Variants in CDK7 observed in about 807,000 individuals in gnomAD.
The protein encoded by CDK7 is cyclin-dependent kinase 7.
In CDK7, 25 loss-of-function variants were observed where a neutral mutation model predicts 49.1. That is an observed-to-expected ratio of 0.51 (90% confidence interval 0.37 to 0.71). The LOEUF is 0.71. CDK7 is among the 30% of genes least tolerant of loss of function. The pLI is 0.00. For missense variants in CDK7, 316 were observed against 411.7 expected (o/e 0.77, Z 2.01); for synonymous variants, 107 against 140.0 (o/e 0.76, Z 1.67).
In CDK7 at chr5:69,254,672, G is replaced by A; in HGVS notation, c.228+3G>A. On this transcript the variant is annotated splice_donor_region_variant and intron_variant, in intron 4 of 11. Coordinates refer to ENST00000256443, the MANE Select transcript of CDK7 (RefSeq NM_001799.4). ...TAAGTCATCCAAATATAATTGGTGTGAGTATGATCAAAACTGTTACTGGGA... is the reference window on the plus strand; with the variant it reads ...TAAGTCATCCAAATATAATTGGTGTAAGTATGATCAAAACTGTTACTGGGA... 1 of 1,467,132 alleles carries A rather than the reference G, an allele frequency of 6.8e-7. No homozygotes were observed. The highest frequency in any genetic ancestry group is 9.6e-7 in the Non-Finnish European group (1 of 1,046,772). 90.9% of individuals were successfully genotyped at this position (1,467,132 alleles called of 1,614,324 possible). A position where few individuals can be genotyped will look rare whatever the true frequency, so the allele number is the denominator to read the frequency against.
At chr5:69,237,592 G>C (rs1467672032) in intron 2 of CDK7, among the ~76,000 whole-genome samples, 1 of 152,150 alleles carries the variant, frequency 6.6e-6, no homozygotes, top group Non-Finnish European at 1.5e-5. Context: ...TTTATTGTCT[G>C]TTTAATTCCA....
At position 69,259,939 on chromosome 5, in the gene CDK7, A is replaced by G. The variant is rs1263655321; in HGVS notation, c.527+3A>G. On this transcript the variant is annotated splice_donor_region_variant and intron_variant, in intron 7 of 11. Coordinates refer to ENST00000256443, the MANE Select transcript of CDK7 (RefSeq NM_001799.4). The stretch of plus-strand genomic sequence containing the variant: ...TATACACATCAGGTTGTAACCAGGT[A>G]AGAATCTCTTAAAGCTACATGTGCA... 3.2e-6 allele frequency: 5 copies of G among 1,558,150 alleles called. No individual in the cohort carries two copies. Among genetic ancestry groups the G allele is most frequent in the Non-Finnish European group, 3.5e-6 (4 of 1,129,686 alleles).
intron 8 of CDK7, 34 bp from the exon 9 acceptor site, chr5:69,269,173 C>A (rs62373161): frequency 2.2e-6 from 3 of 1,364,740 alleles, no homozygotes; most frequent in Non-Finnish European, 3.0e-6. Flanking sequence ...AAAAAAAACC[C>A]ACCTTGAAAA....
At position 69,261,490 on chromosome 5, in the gene CDK7, CTGTGTGTGTGTGTGTGTG is replaced by C. The variant is rs1168767153; in HGVS notation, c.528-697_528-680del. Among the ~76,000 whole-genome samples, 1,155 of 139,640 alleles carry C rather than the reference CTGTGTGTGTGTGTGTGTG, an allele frequency of 8.3e-3. 11 individuals carry two copies. Among genetic ancestry groups the C allele is most frequent in the Non-Finnish European group, 0.012 (771 of 64,718 alleles). The allele number at this position is 139,640 out of a possible 152,430, so 91.6% of individuals were successfully genotyped here. On this transcript the variant is annotated intron_variant, in intron 7 of 11. Transcript: ENST00000256443. ...ATGAAAGCCTGATTGAAAAGGTTCT[CTGTGTGTGTGTGTGTGTG>C]TGTGTGTGTGTGTGTGTATGTGTGT...
At chr5:69,275,313 A>C (rs191475006) in intron 10 of CDK7, among the ~76,000 whole-genome samples, 150 of 152,324 alleles carry the variant, frequency 9.8e-4, no homozygotes, top group African/African-American at 3.4e-3. Context: ...CATTGGTTCC[A>C]ACCTACTGTA....
At chr5:69,259,472 A>G (rs1231241494) in intron 6 of CDK7, among the ~76,000 whole-genome samples, 1 of 152,196 alleles carries the variant, frequency 6.6e-6, no homozygotes, top group Admixed American at 6.6e-5. Context: ...AACGTATATT[A>G]TGAAAGTTCA....
rs1183157135 is a variant in CDK7, at chr5:69,272,994, C to T, written c.817C>T (p.Gln273Ter). ...AGGAGACGACTTACTAGATCTCATA[C>T]AAGGCTTATTCTTATTTAATCCATG... The part of the protein sequence containing the change: ...AAGDDLLDLI[Q>*]GLFLFNPCAR... The change falls in exon 10 of 12, where the codon CAA (glutamine) becomes TAA (stop). Residue 273 changes from glutamine (Q) to a stop codon, truncating the protein, a stop_gained. Coordinates refer to ENST00000256443, the MANE Select transcript of CDK7 (RefSeq NM_001799.4). LOFTEE classifies it high-confidence loss of function. The T allele has an allele frequency of 6.3e-7, 1 of 1,594,572 alleles. No individual in the cohort carries two copies. The highest frequency in any genetic ancestry group is 1.1e-5 in the South Asian group (1 of 88,000).
chr5:69,263,958 G>A (rs1361278877), intron 8 of CDK7, among the ~76,000 whole-genome samples: 1 of 152,198 alleles, frequency 6.6e-6, no homozygotes, highest in Non-Finnish European at 1.5e-5. Context: ...GCAGACTAAA[G>A]AATTGTACTC....
At chr5:69,236,537 C>A (rs896819767) in intron 2 of CDK7, among the ~76,000 whole-genome samples, 1 of 147,162 alleles carries the variant, frequency 6.8e-6, no homozygotes, top group Non-Finnish European at 1.5e-5. Context: ...AACATTAATT[C>A]CCCCTTTTTT....
At position 69,259,891 on chromosome 5, in the gene CDK7, C is replaced by T; in HGVS notation, c.482C>T (p.Ser161Phe). The change falls in exon 7 of 12, where the codon TCT (serine) becomes TTT (phenylalanine). Residue 161 changes from serine (S) to phenylalanine (F), a missense_variant. Coordinates refer to ENST00000256443, the MANE Select transcript of CDK7 (RefSeq NM_001799.4). ...LKLADFGLAKSFGSPNRAYTH... is the reference protein window; with the variant it reads ...LKLADFGLAKFFGSPNRAYTH... ...CTGGCAGATTTTGGCCTGGCCAAATCTTTTGGGAGCCCCAATAGAGCTTAT... is the reference window on the plus strand; with the variant it reads ...CTGGCAGATTTTGGCCTGGCCAAATTTTTTGGGAGCCCCAATAGAGCTTAT... 6.2e-7 allele frequency: 1 copy of T among 1,613,902 alleles called. No homozygotes were observed. The highest frequency in any genetic ancestry group is 8.5e-7 in the Non-Finnish European group (1 of 1,179,798).
In CDK7 at chr5:69,244,975, T is replaced by C. The variant is rs569243614; in HGVS notation, c.127-7443T>C. On this transcript the variant is annotated intron_variant, in intron 2 of 11. Transcript: ENST00000256443. ...CTGTCCTTCATTTGTTGATATTACA[T>C]ATCACGTTGATTGATTATAGCATAT... Among the ~76,000 whole-genome samples the C allele has an allele frequency of 6.6e-5, 10 of 152,352 alleles. No individual in the cohort carries two copies. In the East Asian group the frequency reaches 1.9e-3, roughly 29 times the overall value.
chr5:69,252,669 G>T (rs1032277937), intron 3 of CDK7, among the ~76,000 whole-genome samples: 1 of 151,864 alleles, frequency 6.6e-6, no homozygotes, highest in Non-Finnish European at 1.5e-5. Flanking sequence ...GCCACCACTT[G>T]TGGTTAATGT....
At position 69,276,574 on chromosome 5, in the gene CDK7, C is replaced by T; in HGVS notation, c.896C>T (p.Pro299Leu). 2 of 1,613,392 alleles carry T rather than the reference C, an allele frequency of 1.2e-6. No individual in the cohort carries two copies. The highest frequency in any genetic ancestry group is 1.7e-6 in the Non-Finnish European group (2 of 1,179,974). ...ALKMKYFSNRPGPTPGCQLPR... is the reference protein window; with the variant it reads ...ALKMKYFSNRLGPTPGCQLPR... ...AAAATGAAGTATTTCAGTAATCGGCCAGGGCCAACACCTGGATGTCAGCTG... is the reference window on the plus strand; with the variant it reads ...AAAATGAAGTATTTCAGTAATCGGCTAGGGCCAACACCTGGATGTCAGCTG... The change falls in exon 11 of 12, where the codon CCA becomes CTA. Residue 299 changes from proline (P) to leucine (L), a missense_variant. Physicochemically the swap from Pro to Leu is moderately conservative, Grantham distance 98. Coordinates refer to ENST00000256443, the MANE Select transcript of CDK7 (RefSeq NM_001799.4).
intron 6 of CDK7, among the ~76,000 whole-genome samples, chr5:69,258,761 G>C (rs541284386): frequency 3.3e-5 from 5 of 152,188 alleles, no homozygotes; most frequent in Admixed American, 3.3e-4. Flanking sequence ...GTTGGCTGCT[G>C]ATAATGGACA....
At chr5:69,264,771 G>C (rs1007252691) in intron 8 of CDK7, among the ~76,000 whole-genome samples, 6 of 151,538 alleles carry the variant, frequency 4.0e-5, no homozygotes, top group Non-Finnish European at 8.8e-5. Context: ...GGGAGTTTGA[G>C]ACCAGCCTGG....
chr5:69,268,276 T>TAA (rs768252496), intron 8 of CDK7, among the ~76,000 whole-genome samples: 30 of 152,316 alleles, frequency 2.0e-4, no homozygotes, highest in Non-Finnish European at 4.0e-4. Context: ...AATGCTTGTT[T>TAA]ATGTGTATCA....
intron 11 of CDK7, 31 bp from the exon 12 acceptor site, chr5:69,277,076 T>G: frequency 7.1e-7 from 1 of 1,408,904 alleles, no homozygotes; most frequent in East Asian, 2.5e-5. Flanking sequence ...TGTGAACAAC[T>G]TTTTTTTTTC....
intron 6 of CDK7, among the ~76,000 whole-genome samples, chr5:69,259,061 G>A (rs1025580840): frequency 6.6e-6 from 1 of 150,576 alleles, no homozygotes; most frequent in African/African-American, 2.4e-5. Flanking sequence ...GGGTGACAGA[G>A]TGAAACCCTG....
chr5:69,237,205 A>T (rs1749059583), intron 2 of CDK7, among the ~76,000 whole-genome samples: 1 of 151,590 alleles, frequency 6.6e-6, no homozygotes, highest in Non-Finnish European at 1.5e-5. Flanking sequence ...GACTAAAGTA[A>T]TCCTTCCACC....
Sources: gnomAD v4.1 joint callset for allele counts (sites outside exome capture counted in the v4.1 genomes callset) on GRCh38, gnomAD v4.1.1 for gene constraint, MANE v1.5 for transcripts, NCBI Gene and HGNC (gene_info 2026-07-23, HGNC 2026-07-21) for gene names.